The following VPS4A variants were observed in gnomAD, a reference collection of about 807,000 sequenced individuals.
VPS4A encodes vacuolar protein sorting 4 homolog A, also known as vacuolar protein sorting-associated protein 4A.
In VPS4A, 20 loss-of-function variants were observed where a neutral mutation model predicts 52.3. That is an observed-to-expected ratio of 0.38 (90% CI 0.27 to 0.56). The LOEUF (loss-of-function observed/expected upper bound fraction) is 0.56, where lower values mean the gene tolerates loss of function less well. Among genes scored for constraint, VPS4A ranks in the 20% least tolerant of loss-of-function variants. The pLI is 0.72. For synonymous variants in VPS4A, 293 were observed against 227.7 expected, an observed-to-expected ratio of 1.29 and a Z score of -2.58; for missense variants, 419 against 575.9, an observed-to-expected ratio of 0.73 and a Z score of 2.79.
chr16:69,321,689 T>G lies in VPS4A; in HGVS notation c.1071+419T>G. On this transcript the variant is annotated intron_variant, in intron 9 of 10. Transcript: ENST00000254950. The surrounding 1 kb of genome is among the most constrained non-coding windows in gnomAD (Gnocchi z 4.5). ...GTGTGCCCGGCCCTGTCCTAAGTGC[T>G]GGGAAGATATGAGTGACCAACAGAC... is the stretch of plus-strand genomic sequence containing the variant. The G allele has an allele frequency of 4.7e-6, 1 of 212,918 alleles. No homozygotes were observed. Among genetic ancestry groups the G allele is most frequent in the East Asian group, 1.2e-4 (1 of 8,402 alleles). 13.2% of individuals were successfully genotyped at this position (212,918 alleles called of 1,614,324 possible). A position where few individuals can be genotyped will look rare whatever the true frequency, so the allele number is the denominator to read the frequency against.
chr16:69,322,895 C>G (rs1444832782), intron 10 of VPS4A, 195 bp downstream of exon 10: 3 of 476,136 alleles, frequency 6.3e-6, no homozygotes, highest in African/African-American at 4.0e-5. Flanking sequence ...TGGAGAAACC[C>G]TGTCTCTACT....
chr16:69,314,790 G>T (rs992608392), intron 1 of VPS4A, among the ~76,000 whole-genome samples: 8 of 152,088 alleles, frequency 5.3e-5, no homozygotes, highest in Non-Finnish European at 5.9e-5. Flanking sequence ...CCGGTCAGGA[G>T]GTTTATTGTT....
intron 1 of VPS4A, among the ~76,000 whole-genome samples, chr16:69,315,188 G>T (rs190985025): frequency 1.3e-5 from 2 of 152,162 alleles, no homozygotes; most frequent in African/African-American, 2.4e-5. Flanking sequence ...GATAGAGTAA[G>T]ACTCTGTCTC....
At position 69,320,695 on chromosome 16, in the gene VPS4A, G is replaced by C; in HGVS notation, c.777G>C (p.Gly259=). The C allele has an allele frequency of 6.2e-7, 1 of 1,603,914 alleles. No homozygotes were observed. Among genetic ancestry groups the C allele is most frequent in the Non-Finnish European group, 8.5e-7 (1 of 1,175,386 alleles). Residue 259 remains glycine (G), a synonymous_variant, in exon 8 of 11, where the codon GGG becomes GGC. Transcript: ENST00000254950. This position sits in a 1 kb window ranked among gnomAD's most constrained non-coding sequence, Gnocchi z 4.2. The stretch of plus-strand genomic sequence containing the variant: ...GTCTCCCTTTCTCCACAGGGGTGGG[G>C]AATAACAATGATGGGACTCTGGTTC... ...TEFLVQMQGV[G]NNNDGTLVLG... is the part of the protein sequence containing the mutation.
At position 69,324,600 on chromosome 16, in the gene VPS4A, A is replaced by T; in HGVS notation, c.*291A>T. ...TTTTTTTCCATCTTTTGTTCCCCTAAATTAATGCTGCTTGGATTTTCATCT... is the reference window on the plus strand; with the variant it reads ...TTTTTTTCCATCTTTTGTTCCCCTATATTAATGCTGCTTGGATTTTCATCT... On this transcript the variant is annotated 3_prime_UTR_variant, in exon 11 of 11. Transcript: ENST00000254950. 1 of 370,710 alleles carries T rather than the reference A, an allele frequency of 2.7e-6. No homozygotes were observed. The highest frequency in any genetic ancestry group is 3.4e-5 in the South Asian group (1 of 29,586). 23.0% of individuals were successfully genotyped at this position (370,710 alleles called of 1,614,324 possible). A position where few individuals can be genotyped will look rare whatever the true frequency, so the allele number is the denominator to read the frequency against.
rs1355466250 is a variant in VPS4A, at chr16:69,324,983, C to T, written c.*674C>T. On this transcript the variant is annotated 3_prime_UTR_variant, in exon 11 of 11. Transcript: ENST00000254950. Reference sequence around the variant, plus strand: ...TGAGCGTGAGAACACTGAACCCAGCCACTGCCCCTGGGTCCCTGTCCTGGA... The same window carrying T: ...TGAGCGTGAGAACACTGAACCCAGCTACTGCCCCTGGGTCCCTGTCCTGGA... The T allele has an allele frequency of 6.6e-6, 1 of 152,646 alleles. No individual in the cohort carries two copies. The highest frequency in any genetic ancestry group is 6.5e-5 in the Admixed American group (1 of 15,334). 9.5% of individuals were successfully genotyped at this position (152,646 alleles called of 1,614,324 possible).
In VPS4A at chr16:69,321,472, G is replaced by T; in HGVS notation, c.1071+202G>T. The T allele has an allele frequency of 1.6e-6, 1 of 624,590 alleles. No individual in the cohort carries two copies. The allele number at this position is 624,590 out of a possible 1,614,324, so 38.7% of individuals were successfully genotyped here. On this transcript the variant is annotated intron_variant, in intron 9 of 10. Transcript: ENST00000254950. This position sits in a 1 kb window ranked among gnomAD's most constrained non-coding sequence, Gnocchi z 4.5. ...GCTCTTCTGGAGTGTGGCCATCTCA[G>T]GGTGTGTGAAAGCAGAGGACAGGGC...
chr16:69,323,639 G>A (rs1401468983), intron 10 of VPS4A: 7 of 455,916 alleles, frequency 1.5e-5, no homozygotes, highest in Non-Finnish European at 2.6e-5. Flanking sequence ...TGTGGCTGGT[G>A]TTGGGGGTGT....
At chr16:69,319,710 CAAGTG>C (rs1347792459) in intron 6 of VPS4A, among the ~76,000 whole-genome samples, 167 bp downstream of exon 6, 1 of 152,140 alleles carries the variant, frequency 6.6e-6, no homozygotes, top group Non-Finnish European at 1.5e-5. Context: ...CCAACAAAGA[CAAGTG>C]AAGGTGGAAG....
rs111685746 is a variant in VPS4A, at chr16:69,321,422, C to A, written c.1071+152C>A. 3.1e-5 allele frequency: 24 copies of A among 776,842 alleles called. 1 individual carries two copies. Among genetic ancestry groups the A allele is most frequent in the African/African-American group, 1.4e-4 (8 of 57,494 alleles). 48.1% of individuals were successfully genotyped at this position (776,842 alleles called of 1,614,324 possible). A position where few individuals can be genotyped will look rare whatever the true frequency, so the allele number is the denominator to read the frequency against. On this transcript the variant is annotated intron_variant, in intron 9 of 10. Coordinates refer to ENST00000254950, the MANE Select transcript of VPS4A (RefSeq NM_013245.3). This position sits in a 1 kb window ranked among gnomAD's most constrained non-coding sequence, Gnocchi z 4.5. ...GAGCCGAGGGCCAGTGCCATGGGGG[C>A]TGCACCCACTGTCCCCTCCCTGCAG...
intron 6 of VPS4A, among the ~76,000 whole-genome samples, chr16:69,319,877 A>C (rs1567423825): frequency 6.6e-6 from 1 of 152,162 alleles, no homozygotes; most frequent in Non-Finnish European, 1.5e-5. Flanking sequence ...CGGGCTCGGA[A>C]GAAGGGGACT....
At chr16:69,315,888 G>A (rs1005019441) in intron 1 of VPS4A, 120 bp from the exon 2 acceptor site, 7 of 806,778 alleles carry the variant, frequency 8.7e-6, no homozygotes, top group African/African-American at 3.5e-5. Context: ...GAAATGGCCC[G>A]CAAGCAATAA....
chr16:69,317,661 C>T (rs1160599381), intron 3 of VPS4A, among the ~76,000 whole-genome samples: 4 of 152,070 alleles, frequency 2.6e-5, no homozygotes, highest in African/African-American at 9.7e-5. Context: ...GGCGTGGTGG[C>T]GGGCACCTGT....
Position 69,321,465 on chromosome 16 carries a change from C to T in VPS4A, c.1071+195C>T. On this transcript the variant is annotated intron_variant, in intron 9 of 10. Coordinates refer to ENST00000254950, the MANE Select transcript of VPS4A (RefSeq NM_013245.3). The surrounding 1 kb of genome is among the most constrained non-coding windows in gnomAD (Gnocchi z 4.5). ...CCCTGCAGCTCTTCTGGAGTGTGGC[C>T]ATCTCAGGGTGTGTGAAAGCAGAGG... 1.6e-6 allele frequency: 1 copy of T among 632,702 alleles called. No individual in the cohort carries two copies. The highest frequency in any genetic ancestry group is 2.7e-6 in the Non-Finnish European group (1 of 367,892). The allele number at this position is 632,702 out of a possible 1,614,324, so 39.2% of individuals were successfully genotyped here. A position where few individuals can be genotyped will look rare whatever the true frequency, so the allele number is the denominator to read the frequency against.
intron 1 of VPS4A, among the ~76,000 whole-genome samples, chr16:69,312,987 A>T (rs993035775): frequency 1.4e-5 from 2 of 142,670 alleles, no homozygotes; most frequent in African/African-American, 5.1e-5. Context: ...GTTTTTATTA[A>T]TTTTTTTTTT....
intron 1 of VPS4A, among the ~76,000 whole-genome samples, chr16:69,313,094 T>C (rs1965396929): frequency 6.6e-6 from 1 of 152,030 alleles, no homozygotes; most frequent in East Asian, 1.9e-4. Context: ...TTCTCCTGCC[T>C]CAGCCTCCCA....
intron 3 of VPS4A, among the ~76,000 whole-genome samples, chr16:69,317,456 A>G (rs1028393081): frequency 9.2e-5 from 14 of 151,990 alleles, no homozygotes; most frequent in Admixed American, 3.3e-4. Context: ...TCAGGATTTC[A>G]AAACCAGCCT....
Position 69,323,899 on chromosome 16 carries a change from G to A in VPS4A, c.1213-309G>A, listed in dbSNP as rs546633653. Among the ~76,000 whole-genome samples, 14 of 139,134 alleles carry A rather than the reference G, an allele frequency of 1.0e-4. No individual in the cohort carries two copies. The South Asian group carries it at 1.8e-3, about 18-fold the overall frequency. The allele number at this position is 139,134 out of a possible 152,430, so 91.3% of individuals were successfully genotyped here. A position where few individuals can be genotyped will look rare whatever the true frequency, so the allele number is the denominator to read the frequency against. On this transcript the variant is annotated intron_variant, in intron 10 of 10. Transcript: ENST00000254950. ...GAGGAGGTGGAGGTTGCGGTGAGCC[G>A]AGATCATGCCACTGCACTCCAGCCT...
Position 69,322,911 on chromosome 16 carries a change from T to C in VPS4A, c.1212+211T>C, listed in dbSNP as rs544928045. On this transcript the variant is annotated intron_variant, in intron 10 of 10. Coordinates refer to ENST00000254950, the MANE Select transcript of VPS4A (RefSeq NM_013245.3). ...GGAGAAACCCTGTCTCTACTAAAAA[T>C]ACAAAAATTAGCCGGGTGTGGTGGT... is the stretch of plus-strand genomic sequence containing the variant. 56 of 391,606 alleles carry C rather than the reference T, an allele frequency of 1.4e-4. No homozygotes were observed. The South Asian group carries it at 3.0e-3, about 21-fold the overall frequency. The allele number at this position is 391,606 out of a possible 1,614,324, so 24.3% of individuals were successfully genotyped here.
Sources: allele counts gnomAD v4.1 joint callset (sites outside exome capture counted in the v4.1 genomes callset), GRCh38; gene constraint gnomAD v4.1.1; non-coding constraint Gnocchi (gnomAD v3.1); transcripts MANE v1.5; gene names NCBI Gene and HGNC (gene_info 2026-07-23, HGNC 2026-07-21).